CA4: variants seen among roughly 807,000 people sequenced by gnomAD.
The protein encoded by CA4 is CA-IV.
CA4 carries 24 observed loss-of-function variants against 34.5 expected under a neutral mutation model. The observed-to-expected ratio is 0.70, with a 90% CI of 0.50 to 0.98. The LOEUF (loss-of-function observed/expected upper bound fraction) is 0.98, where lower values mean the gene tolerates loss of function less well. Ranked by LOEUF, CA4 falls within the 50% of genes least tolerant of loss-of-function variation. The pLI, the probability that CA4 is intolerant of heterozygous loss-of-function variation, is 0.00. For missense variants in CA4, 394 were observed against 396.7 expected, an observed-to-expected ratio of 0.99 and a Z score of 0.06; for synonymous variants, 178 against 170.6, an observed-to-expected ratio of 1.04 and a Z score of -0.34.
At chr17:60,163,782 G>A (rs543197200), downstream of CA4, among the ~76,000 whole-genome samples, 14 of 152,254 alleles carry the variant, frequency 9.2e-5, no homozygotes, top group South Asian at 2.7e-3. Context: ...AGCGGAGCAG[G>A]ACACAGGGAA....
downstream of CA4, among the ~76,000 whole-genome samples, chr17:60,171,399 C>T (rs1434976500): frequency 6.6e-6 from 1 of 152,212 alleles, no homozygotes; most frequent in African/African-American, 2.4e-5. Context: ...GGAACAGAGG[C>T]CAGGCAGCAG....
At chr17:60,155,232 T>C in intron 1 of CA4, 82 bp from the exon 2 acceptor site, 5 of 1,340,642 alleles carry the variant, frequency 3.7e-6, no homozygotes, top group Non-Finnish European at 5.3e-6. Context: ...ACCCCAGGGG[T>C]AGGCCCAGCC....
chr17:60,159,067 C>T, intron 7 of CA4, 163 bp from the exon 8 acceptor site: 1 of 692,456 alleles, frequency 1.4e-6, no homozygotes, highest in Non-Finnish European at 2.6e-6. Flanking sequence ...TCATTTACAT[C>T]CCCTATTCTT....
chr17:60,176,412 C>T, the CA4 span, among the ~76,000 whole-genome samples: 1 of 151,778 alleles, frequency 6.6e-6, no homozygotes, highest in Non-Finnish European at 1.5e-5. Context: ...ACCTTCATCT[C>T]TTCTCAACAC....
At chr17:60,161,601 C>A (rs1030864331), downstream of CA4, among the ~76,000 whole-genome samples, 1 of 151,850 alleles carries the variant, frequency 6.6e-6, no homozygotes, top group South Asian at 2.1e-4. Context: ...CCTTCTCTCA[C>A]CCCGAGCCCC....
In CA4 at chr17:60,159,321, G is replaced by A. The variant is rs372344598; in HGVS notation, c.836G>A (p.Arg279His). 2.6e-5 allele frequency: 42 copies of A among 1,609,520 alleles called. No homozygotes were observed. In the African/African-American group the frequency reaches 3.7e-4, roughly 14 times the overall value. The change falls in exon 8 of 8, where the codon CGC becomes CAC. Residue 279 changes from arginine to histidine, a missense_variant. By Grantham distance (29) the Arg-to-His change is conservative (BLOSUM62 0). Transcript: ENST00000300900. ...AGGCCCCTGCAGCAGCTGGGGCAGC[G>A]CACGGTGATAAAGTCCGGGGCCCCG... ...NVRPLQQLGQ[R>H]TVIKSGAPGR...
At chr17:60,157,654 T>C (rs1430546498) in intron 4 of CA4, 36 bp from the exon 5 acceptor site, 2 of 1,611,982 alleles carry the variant, frequency 1.2e-6, no homozygotes, top group South Asian at 2.2e-5. Context: ...TCCAGGCCCT[T>C]CATAGGTCCC....
chr17:60,161,326 GC>G (rs989134295), downstream of CA4, among the ~76,000 whole-genome samples: 14 of 152,264 alleles, frequency 9.2e-5, no homozygotes, highest in Admixed American at 9.1e-4. Flanking sequence ...GGAACTGAGG[GC>G]CCGCAGCTGT....
rs189877826 is a variant in CA4 at position 60,153,471 on chromosome 17, T to A, written c.59-1843T>A. ...AATGCATTCCTTCCTTCTCTGACTT[T>A]TGGGAATGTCCTACTCTGTCTATGG... On this transcript the variant is annotated intron_variant, in intron 1 of 7. Transcript: ENST00000300900. Among the ~76,000 whole-genome samples, 258 of 152,356 alleles carry A rather than the reference T, an allele frequency of 1.7e-3. 1 individual carries two copies. Among genetic ancestry groups the A allele is most frequent in the Non-Finnish European group, 2.4e-3 (160 of 68,032 alleles).
downstream of CA4, among the ~76,000 whole-genome samples, chr17:60,173,564 G>A (rs1440975268): frequency 6.6e-6 from 1 of 152,208 alleles, no homozygotes; most frequent in Non-Finnish European, 1.5e-5. Context: ...CTTCATCAGA[G>A]GCAATTATGT....
downstream of CA4, among the ~76,000 whole-genome samples, chr17:60,160,245 T>C (rs1385902165): frequency 6.6e-6 from 1 of 152,176 alleles, no homozygotes; most frequent in Admixed American, 6.5e-5. Flanking sequence ...TGAAAGGGTG[T>C]CATGTGTGGG....
chr17:60,178,152 AACC>A, the CA4 span, among the ~76,000 whole-genome samples: 610 of 152,352 alleles, frequency 4.0e-3, 2 homozygotes, highest in Non-Finnish European at 6.8e-3. Context: ...GACTTCCTAA[AACC>A]ACCAATTTCA....
Position 60,150,017 on chromosome 17 carries a change from T to G in CA4, c.-18T>G. The G allele has an allele frequency of 6.2e-7, 1 of 1,600,722 alleles. No homozygotes were observed. Reference sequence around the variant, plus strand: ...GTGCGCGACCCCCGGCTCAGAGGACTCTTTGCTGTCCCGCAAGATGCGGAT... The same window carrying G: ...GTGCGCGACCCCCGGCTCAGAGGACGCTTTGCTGTCCCGCAAGATGCGGAT... On this transcript the variant is annotated 5_prime_UTR_variant, in exon 1 of 8. Coordinates refer to ENST00000300900, the MANE Select transcript of CA4 (RefSeq NM_000717.5).
the CA4 span, among the ~76,000 whole-genome samples, chr17:60,178,180 G>A: frequency 1.3e-5 from 2 of 152,164 alleles, no homozygotes; most frequent in Non-Finnish European, 2.9e-5. Context: ...ATACACTTAT[G>A]AACTCCTAAT....
chr17:60,158,647 G>A, intron 7 of CA4: 1 of 613,298 alleles, frequency 1.6e-6, no homozygotes, highest in East Asian at 2.8e-5. Context: ...TAGACAGGAG[G>A]CAGGGGAAGG....
intron 1 of CA4, 23 bp downstream of exon 1, chr17:60,150,115 C>T (rs769744088): frequency 6.3e-7 from 1 of 1,587,734 alleles, no homozygotes. Context: ...GCTCCGGCCC[C>T]AGGTGCCCCT....
intron 5 of CA4, among the ~76,000 whole-genome samples, chr17:60,166,269 G>A (rs114342707): frequency 6.6e-6 from 1 of 152,058 alleles, no homozygotes; most frequent in Non-Finnish European, 1.5e-5. Flanking sequence ...CCACCATGCC[G>A]GGCTAACTTT....
chr17:60,161,943 C>T (rs1219352013), downstream of CA4, among the ~76,000 whole-genome samples: 2 of 152,150 alleles, frequency 1.3e-5, no homozygotes, highest in African/African-American at 2.4e-5. Flanking sequence ...ATCCCCACCC[C>T]CATCCCTGCC....
At position 60,156,628 on chromosome 17, in the gene CA4, G is replaced by A. The variant is rs1398151543; in HGVS notation, c.181G>A (p.Ala61Thr). The A allele has an allele frequency of 3.7e-6, 6 of 1,613,986 alleles. No individual in the cohort carries two copies. The highest frequency in any genetic ancestry group is 5.1e-6 in the Non-Finnish European group (6 of 1,179,940). Residue 61 changes from alanine (A) to threonine (T), a missense_variant, in exon 3 of 8, where the codon GCA (alanine) becomes ACA (threonine). Ala to Thr is a moderately conservative substitution (Grantham distance 58, BLOSUM62 0). Coordinates refer to ENST00000300900, the MANE Select transcript of CA4 (RefSeq NM_000717.5). ...CCCCATCAACATCGTCACCACCAAG[G>A]CAAAGGTGGACAAAAAACTGGGACG... ...QSPINIVTTK[A>T]KVDKKLGRFF...
Sources: gnomAD v4.1 joint callset for allele counts (sites outside exome capture counted in the v4.1 genomes callset) on GRCh38, gnomAD v4.1.1 for gene constraint, MANE v1.5 for transcripts, NCBI Gene and HGNC (gene_info 2026-07-23, HGNC 2026-07-21) for gene names.